Variants in KIAA1755 observed in about 807,000 individuals in gnomAD.
KIAA1755 encodes the protein uncharacterized protein KIAA1755.
A neutral mutation model predicts 91.7 loss-of-function variants in KIAA1755; 68 were observed. The observed-to-expected ratio is 0.74, with a 90% CI of 0.61 to 0.91. The LOEUF (loss-of-function observed/expected upper bound fraction) is 0.91. Ranked by LOEUF, KIAA1755 falls within the 40% of genes least tolerant of loss-of-function variation. The pLI, the probability that KIAA1755 is intolerant of heterozygous loss-of-function variation, is 0.00. For missense variants in KIAA1755, 1,535 were observed against 1,494.4 expected (o/e 1.03, Z -0.45); for synonymous variants, 610 against 604.6 (o/e 1.01, Z -0.13).
chr20:38,222,702 A>G, intron 9 of KIAA1755, 105 bp from the exon 10 acceptor site: 1 of 1,220,824 alleles, frequency 8.2e-7, no homozygotes. Context: ...TTTGGCATTC[A>G]AGGTCCTCCA....
chr20:38,218,200 T>C (rs746627611), intron 12 of KIAA1755, 44 bp downstream of exon 12: 7 of 1,612,786 alleles, frequency 4.3e-6, no homozygotes, highest in Non-Finnish European at 5.9e-6. Flanking sequence ...TCTAACGCCC[T>C]CTCCATCTGC....
intron 7 of KIAA1755, 58 bp downstream of exon 7, chr20:38,227,096 A>C: frequency 7.6e-7 from 1 of 1,317,910 alleles, no homozygotes; most frequent in South Asian, 1.2e-5. Context: ...CCTTAACCCC[A>C]GCTCAGCTCG....
chr20:38,252,785 C>T (rs539141264), intron 1 of KIAA1755, among the ~76,000 whole-genome samples: 26 of 152,274 alleles, frequency 1.7e-4, no homozygotes, highest in Admixed American at 3.9e-4. Flanking sequence ...AAGTATGTTC[C>T]GAGTTAACAG....
At chr20:38,213,843 G>A (rs1361703003) in intron 13 of KIAA1755, 100 bp from the exon 14 acceptor site, 1 of 823,942 alleles carries the variant, frequency 1.2e-6, no homozygotes, top group Non-Finnish European at 1.8e-6. Context: ...CGCTCAGCTT[G>A]GCCATGATCT....
At chr20:38,243,219 G>T (rs917550757) in intron 2 of KIAA1755, among the ~76,000 whole-genome samples, 1 of 152,220 alleles carries the variant, frequency 6.6e-6, no homozygotes, top group Admixed American at 6.5e-5. Flanking sequence ...TGAATTTCCT[G>T]CTAATTAAAC....
chr20:38,215,221 A>G (rs2075523890), intron 13 of KIAA1755, among the ~76,000 whole-genome samples: 1 of 152,236 alleles, frequency 6.6e-6, no homozygotes, highest in Non-Finnish European at 1.5e-5. Flanking sequence ...CAGTGAGGAA[A>G]CAGGGCCAGC....
intron 8 of KIAA1755, among the ~76,000 whole-genome samples, chr20:38,224,249 T>G (rs1037559533): frequency 6.6e-6 from 1 of 152,182 alleles, no homozygotes; most frequent in Non-Finnish European, 1.5e-5. Flanking sequence ...CTCACTTCCA[T>G]GTAGTGGGTC....
At position 38,248,851 on chromosome 20, in the gene KIAA1755, G is replaced by A. The variant is rs117264759; in HGVS notation, c.4-2725C>T. 3.8e-4 allele frequency among the ~76,000 whole-genome samples: 54 copies of A among 143,180 alleles called. No homozygotes were observed. The East Asian group carries it at 8.8e-3, about 23-fold the overall frequency. 93.9% of individuals were successfully genotyped at this position (143,180 alleles called of 152,430 possible). On this transcript the variant is annotated intron_variant, in intron 1 of 13. Transcript: ENST00000279024. The stretch of plus-strand genomic sequence containing the variant: ...GCTGGAATTACAGGGATGAGCCACC[G>A]TGCTTGGCCTTTTTGTTTGTTTGTT...
chr20:38,218,720 C>T (rs1315986172), intron 11 of KIAA1755, among the ~76,000 whole-genome samples: 1 of 152,146 alleles, frequency 6.6e-6, no homozygotes, highest in Non-Finnish European at 1.5e-5. Flanking sequence ...TGATGAGCTC[C>T]CTGTTCGGGT....
rs1481828141 is a variant in KIAA1755, at chr20:38,241,005, C to T, written c.1126G>A (p.Val376Ile). 1 of 1,614,060 alleles carries T rather than the reference C, an allele frequency of 6.2e-7. No homozygotes were observed. The highest frequency in any genetic ancestry group is 8.5e-7 in the Non-Finnish European group (1 of 1,180,030). Residue 376 changes from valine (V) to isoleucine (I), a missense_variant, in exon 3 of 14, where the codon GTC becomes ATC. By Grantham distance (29) the Val-to-Ile change is conservative. Transcript: ENST00000279024. ...GCACAGTCCAGTGCGTCCTCAAGGA[C>T]ATTCATGTAGGAGCCTTGGGGCGGC... ...ERPPQGSYMNVLEDALDCASG... is the reference protein window; with the variant it reads ...ERPPQGSYMNILEDALDCASG...
chr20:38,223,550 AG>A lies in KIAA1755; in HGVS notation c.2255del (p.Pro752LeufsTer11). On this transcript the variant is annotated frameshift_variant, in exon 9 of 14. Coordinates refer to ENST00000279024, the MANE Select transcript of KIAA1755 (RefSeq NM_001029864.2). LOFTEE classifies it high-confidence loss of function. ...GCTCCAGGCTCACCTGCATCCCCCC[AG>A]GGGGGTCGGCCTTCTCGAATTCCTC... ...SIEEFEKADPPGGMQEATRCL... is the reference protein window; with the variant it reads ...SIEEFEKADPXGGMQEATRCL... The A allele has an allele frequency of 1.9e-6, 3 of 1,594,816 alleles. No individual in the cohort carries two copies. Among genetic ancestry groups the A allele is most frequent in the Non-Finnish European group, 2.6e-6 (3 of 1,172,274 alleles).
chr20:38,229,932 A>G (rs1002292053), intron 5 of KIAA1755, among the ~76,000 whole-genome samples: 5 of 152,196 alleles, frequency 3.3e-5, no homozygotes, highest in African/African-American at 7.2e-5. Context: ...ACAAGAAGAA[A>G]AAAAATGTTA....
rs554021418 is a variant in KIAA1755 at position 38,246,117 on chromosome 20, A to C, written c.13T>G (p.Ser5Ala). MDPP[S>A]LDTAIQHALA... ...GCATGCTGGATGGCTGTGTCGAGGG[A>C]TGGAGGGTCCTGTGGGGGACAGGAG... The change falls in exon 2 of 14, where the codon TCC (serine) becomes GCC (alanine). Residue 5 changes from serine (S) to alanine (A), a missense_variant. Transcript: ENST00000279024. 1 of 1,612,926 alleles carries C rather than the reference A, an allele frequency of 6.2e-7. No homozygotes were observed. The highest frequency in any genetic ancestry group is 1.3e-5 in the African/African-American group (1 of 74,912).
intron 2 of KIAA1755, among the ~76,000 whole-genome samples, chr20:38,243,965 A>G (rs2076111293): frequency 6.6e-6 from 1 of 152,182 alleles, no homozygotes; most frequent in Non-Finnish European, 1.5e-5. Context: ...GAGAGGTGGC[A>G]TGGATCTCCA....
intron 13 of KIAA1755, among the ~76,000 whole-genome samples, chr20:38,216,606 A>T (rs2075547257): frequency 6.6e-6 from 1 of 151,760 alleles, no homozygotes; most frequent in African/African-American, 2.4e-5. Context: ...TTTTCCCATA[A>T]TTTTTTTTTA....
At chr20:38,259,722 A>G (rs1024965773) in intron 1 of KIAA1755, among the ~76,000 whole-genome samples, 68 of 151,464 alleles carry the variant, frequency 4.5e-4, no homozygotes, top group African/African-American at 1.6e-3. Flanking sequence ...GGGCTCTTGT[A>G]TCTGTCTGGA....
intron 1 of KIAA1755, among the ~76,000 whole-genome samples, chr20:38,253,251 T>G (rs1008858317): frequency 6.6e-6 from 1 of 152,220 alleles, no homozygotes; most frequent in Non-Finnish European, 1.5e-5. Flanking sequence ...CCTTCTGGAC[T>G]GACCCAGGGA....
intron 1 of KIAA1755, among the ~76,000 whole-genome samples, chr20:38,252,218 G>A (rs375207281): frequency 1.3e-5 from 2 of 152,092 alleles, no homozygotes; most frequent in East Asian, 3.9e-4. Flanking sequence ...AAAGTCAAAG[G>A]CATGGCCGCT....
chr20:38,217,826 T>C, intron 12 of KIAA1755: 1 of 432,838 alleles, frequency 2.3e-6, no homozygotes, highest in Non-Finnish European at 4.2e-6. Context: ...CGCTTCCCTG[T>C]TTGTCCCCGC....
Sources: gnomAD v4.1 joint callset for allele counts (sites outside exome capture counted in the v4.1 genomes callset) on GRCh38, gnomAD v4.1.1 for gene constraint, MANE v1.5 for transcripts, NCBI Gene and HGNC (gene_info 2026-07-23, HGNC 2026-07-21) for gene names.